The following PITPNC1 variants were observed in gnomAD, a reference collection of about 807,000 sequenced individuals.
The protein encoded by PITPNC1 is cytoplasmic phosphatidylinositol transfer protein 1.
In PITPNC1, 18 loss-of-function variants were observed where a neutral mutation model predicts 44.7. That is an observed-to-expected ratio of 0.40 (90% confidence interval 0.28 to 0.60). The LOEUF (loss-of-function observed/expected upper bound fraction) is 0.60. Ranked by LOEUF, PITPNC1 falls within the 20% of genes least tolerant of loss-of-function variation. The probability of loss-of-function intolerance (pLI) is 0.39; values close to 1 mark genes in which losing one functional copy is unlikely to be tolerated. For missense variants in PITPNC1, 290 were observed against 418.4 expected (o/e 0.69, Z 2.68); for synonymous variants, 141 against 149.6 (o/e 0.94, Z 0.42).
chr17:67,630,815 G>T (rs2041956186), intron 5 of PITPNC1, among the ~76,000 whole-genome samples: 1 of 150,962 alleles, frequency 6.6e-6, no homozygotes, highest in Non-Finnish European at 1.5e-5. Flanking sequence ...GGGTTCAAGT[G>T]ATTCTTCTGC....
rs116337942 is a variant in PITPNC1 at position 67,423,171 on chromosome 17, T to C, written c.48+44969T>C. 5.1e-3 allele frequency among the ~76,000 whole-genome samples: 774 copies of C among 152,306 alleles called. 6 individuals are homozygous for C. The highest frequency in any genetic ancestry group is 0.016 in the African/African-American group (677 of 41,564). ...CGTTATTAACTTGTTCGGAAGCTTTTTGTGGCAGATTGATTTTAAAAGCCC... is the reference window on the plus strand; with the variant it reads ...CGTTATTAACTTGTTCGGAAGCTTTCTGTGGCAGATTGATTTTAAAAGCCC... On this transcript the variant is annotated intron_variant, in intron 1 of 8. Coordinates refer to ENST00000581322, the MANE Select transcript of PITPNC1 (RefSeq NM_012417.4).
intron 1 of PITPNC1, among the ~76,000 whole-genome samples, chr17:67,530,652 T>C (rs1232615667): frequency 6.6e-6 from 1 of 152,210 alleles, no homozygotes; most frequent in Non-Finnish European, 1.5e-5. Flanking sequence ...CATTAGGCAG[T>C]ATCAGTACTT....
chr17:67,470,145 G>A (rs1257303795), intron 1 of PITPNC1, among the ~76,000 whole-genome samples: 4 of 152,096 alleles, frequency 2.6e-5, no homozygotes, highest in African/African-American at 9.6e-5. Flanking sequence ...CTGTTTTCAA[G>A]CTCCTGACCT....
At chr17:67,384,958 T>C (rs2038019782) in intron 1 of PITPNC1, among the ~76,000 whole-genome samples, 1 of 152,246 alleles carries the variant, frequency 6.6e-6, no homozygotes, top group Non-Finnish European at 1.5e-5. Flanking sequence ...GATAATTCTA[T>C]AAAAAGTTTT....
chr17:67,551,227 A>G (rs1320650240), intron 2 of PITPNC1, among the ~76,000 whole-genome samples: 1 of 152,154 alleles, frequency 6.6e-6, no homozygotes, highest in Non-Finnish European at 1.5e-5. Context: ...CTGGTTTGCA[A>G]AAGACCCTGG....
chr17:67,527,974 C>G (rs1263039299), intron 1 of PITPNC1, among the ~76,000 whole-genome samples: 1 of 152,178 alleles, frequency 6.6e-6, no homozygotes, highest in Non-Finnish European at 1.5e-5. Context: ...GAACTCTAGC[C>G]TGGGTGACAG....
chr17:67,454,942 C>G (rs1426845076), intron 1 of PITPNC1, among the ~76,000 whole-genome samples: 1 of 152,014 alleles, frequency 6.6e-6, no homozygotes, highest in Non-Finnish European at 1.5e-5. Context: ...ACTTCAGCCC[C>G]CTGAGTAGCT....
chr17:67,567,984 AG>A (rs2041003322), intron 4 of PITPNC1, among the ~76,000 whole-genome samples: 1 of 152,214 alleles, frequency 6.6e-6, no homozygotes, highest in Admixed American at 6.5e-5. Flanking sequence ...AAAGAAAGAA[AG>A]AAAGGAGAAG....
At chr17:67,465,965 T>TC (rs35091447) in intron 1 of PITPNC1, among the ~76,000 whole-genome samples, 3,292 of 151,116 alleles carry the variant, frequency 0.022, 64 homozygotes, top group Non-Finnish European at 0.036. Flanking sequence ...AGAGCTGGTT[T>TC]CCCCCCCGTC....
chr17:67,410,690 G>A (rs1330953068), intron 1 of PITPNC1, among the ~76,000 whole-genome samples: 1 of 151,980 alleles, frequency 6.6e-6, no homozygotes, highest in Non-Finnish European at 1.5e-5. Flanking sequence ...GCACGGGCCT[G>A]GTGAAGGTTT....
chr17:67,586,661 C>T (rs954059739), intron 5 of PITPNC1, among the ~76,000 whole-genome samples: 9 of 152,094 alleles, frequency 5.9e-5, no homozygotes, highest in South Asian at 2.1e-4. Flanking sequence ...TACCCTCTAC[C>T]CAGTTTCCCC....
chr17:67,431,377 C>T (rs908060335), intron 1 of PITPNC1, among the ~76,000 whole-genome samples: 6 of 151,998 alleles, frequency 3.9e-5, no homozygotes, highest in Non-Finnish European at 5.9e-5. Context: ...GTCTTACCTA[C>T]GGCTTTCCCC....
intron 5 of PITPNC1, among the ~76,000 whole-genome samples, chr17:67,578,802 C>T (rs931076636): frequency 1.3e-5 from 2 of 152,190 alleles, no homozygotes; most frequent in African/African-American, 2.4e-5. Flanking sequence ...GCCAACATGG[C>T]GAAACCCTGT....
intron 5 of PITPNC1, among the ~76,000 whole-genome samples, chr17:67,610,092 A>G (rs2041667410): frequency 6.6e-6 from 1 of 152,124 alleles, no homozygotes; most frequent in African/African-American, 2.4e-5. Context: ...CCGCTATTCC[A>G]TGCTCCCTGC....
chr17:67,425,202 C>T (rs1167740800), intron 1 of PITPNC1, among the ~76,000 whole-genome samples: 3 of 29,428 alleles, frequency 1.0e-4, no homozygotes, highest in Non-Finnish European at 2.0e-4. Flanking sequence ...CGCACGCACA[C>T]GCACACACAC....
At chr17:67,649,800 G>A (rs1412381499) in intron 6 of PITPNC1, among the ~76,000 whole-genome samples, 1 of 152,054 alleles carries the variant, frequency 6.6e-6, no homozygotes, top group African/African-American at 2.4e-5. Context: ...TTGCTAGAAA[G>A]GCTCACAGAA....
intron 4 of PITPNC1, among the ~76,000 whole-genome samples, chr17:67,558,485 G>A (rs2040867390): frequency 6.6e-6 from 1 of 151,880 alleles, no homozygotes; most frequent in Admixed American, 6.6e-5. Context: ...AAAAAAGTCT[G>A]CGCTTTCAGA....
At chr17:67,615,620 A>G (rs1227320869) in intron 5 of PITPNC1, among the ~76,000 whole-genome samples, 4 of 152,120 alleles carry the variant, frequency 2.6e-5, no homozygotes, top group Admixed American at 6.5e-5. Context: ...TCACCTCCAC[A>G]TGGCACACAC....
chr17:67,444,915 G>C (rs1360678595), intron 1 of PITPNC1, among the ~76,000 whole-genome samples: 8 of 151,910 alleles, frequency 5.3e-5, no homozygotes, highest in Non-Finnish European at 1.2e-4. Context: ...AGAAGGCAAG[G>C]TATATAAGTG....
Sources: gnomAD v4.1 joint callset for allele counts (sites outside exome capture counted in the v4.1 genomes callset) on GRCh38, gnomAD v4.1.1 for gene constraint, MANE v1.5 for transcripts, NCBI Gene and HGNC (gene_info 2026-07-23, HGNC 2026-07-21) for gene names.